The following PCDHGA8 variants were observed in gnomAD, a reference collection of about 807,000 sequenced individuals.
The protein encoded by PCDHGA8 is protocadherin gamma-A8.
A neutral mutation model predicts 59.2 loss-of-function variants in PCDHGA8; 45 were observed. The observed-to-expected ratio is 0.76, with a 90% CI of 0.60 to 0.98. The LOEUF is 0.98. PCDHGA8 is among the 50% of genes least tolerant of loss of function. The pLI is 0.00. For missense variants in PCDHGA8, 1,257 were observed against 1,196.2 expected (o/e 1.05, Z -0.75); for synonymous variants, 531 against 519.0 (o/e 1.02, Z -0.32).
At chr5:141,507,380 C>G (rs984406173) in intron 3 of PCDHGA8, 1 of 151,954 alleles carries the variant, frequency 6.6e-6, no homozygotes, top group African/African-American at 2.4e-5. Flanking sequence ...CTTTTATTTA[C>G]TAAATCTGGC....
intron 1 of PCDHGA8, chr5:141,430,857 A>T: frequency 6.3e-7 from 1 of 1,591,434 alleles, no homozygotes; most frequent in Non-Finnish European, 8.5e-7. Flanking sequence ...CAGATACGCT[A>T]TTCAGTTCCG....
chr5:141,403,685 C>A, intron 1 of PCDHGA8: 1 of 1,613,822 alleles, frequency 6.2e-7, no homozygotes, highest in Non-Finnish European at 8.5e-7. Flanking sequence ...TTTTGCTCAA[C>A]GGATTTACCG....
At chr5:141,470,723 G>T (rs1326927605) in intron 1 of PCDHGA8, among the ~76,000 whole-genome samples, 1 of 151,852 alleles carries the variant, frequency 6.6e-6, no homozygotes, top group East Asian at 1.9e-4. Flanking sequence ...TTTGAGTCAG[G>T]GTCTTGCTCT....
At chr5:141,455,607 G>A (rs2098827849) in intron 1 of PCDHGA8, among the ~76,000 whole-genome samples, 1 of 152,248 alleles carries the variant, frequency 6.6e-6, no homozygotes, top group East Asian at 1.9e-4. Context: ...GGGCGCCATG[G>A]ATGTTCTAAA....
At chr5:141,409,405 C>T in intron 1 of PCDHGA8, 1 of 1,614,050 alleles carries the variant, frequency 6.2e-7, no homozygotes, top group Non-Finnish European at 8.5e-7. Context: ...CCAATAACTA[C>T]TACAAACTGG....
chr5:141,413,900 AC>A, intron 1 of PCDHGA8: 1 of 1,613,126 alleles, frequency 6.2e-7, no homozygotes. Flanking sequence ...GCAAATGACA[AC>A]GCGCCGGTCT....
intron 1 of PCDHGA8, chr5:141,430,820 G>C (rs1194897001): frequency 6.5e-7 from 1 of 1,541,598 alleles, no homozygotes; most frequent in East Asian, 2.3e-5. Context: ...AATCCTCCTG[G>C]GGACTCTGTG....
intron 1 of PCDHGA8, among the ~76,000 whole-genome samples, chr5:141,454,170 G>A (rs2098782662): frequency 6.6e-6 from 1 of 152,162 alleles, no homozygotes; most frequent in Admixed American, 6.5e-5. Context: ...TCTCTAGAAG[G>A]GCAGCTAAAG....
At chr5:141,505,044 C>G (rs1446394128) in intron 2 of PCDHGA8, among the ~76,000 whole-genome samples, 3 of 152,156 alleles carry the variant, frequency 2.0e-5, no homozygotes, top group African/African-American at 7.2e-5. Context: ...TGCCTGTCAT[C>G]CCAGCTACTT....
In PCDHGA8 at chr5:141,485,576, C is replaced by T. The variant is rs1347032247; in HGVS notation, c.2425-9231C>T. ...GAATGATCACGCCCCCCGTTTTCCG[C>T]GGCAGCAGCTGGACTTGGAAATTGG... On this transcript the variant is annotated intron_variant, in intron 1 of 3. Transcript: ENST00000398604. The surrounding 1 kb of genome is among the most constrained non-coding windows in gnomAD (Gnocchi z 5.7). 21 of 1,612,296 alleles carry T rather than the reference C, an allele frequency of 1.3e-5. 1 individual carries two copies. Among genetic ancestry groups the T allele is most frequent in the Non-Finnish European group, 1.8e-5 (21 of 1,178,636 alleles).
rs772637812 is a variant in PCDHGA8 at position 141,408,685 on chromosome 5, TATAAAC to T, written c.2424+13455_2424+13460del. On this transcript the variant is annotated intron_variant, in intron 1 of 3. Transcript: ENST00000398604. ...CGCTTGACCCTGCCACGGATCCTGA[TATAAAC>T]ATAAACTCAATTAAAGATTATAAGA... 8 of 1,613,994 alleles carry T rather than the reference TATAAAC, an allele frequency of 5.0e-6. No individual in the cohort carries two copies. The Admixed American group carries it at 1.0e-4, about 20-fold the overall frequency.
chr5:141,470,147 T>A (rs1394329530), intron 1 of PCDHGA8, among the ~76,000 whole-genome samples: 1 of 152,172 alleles, frequency 6.6e-6, no homozygotes. Context: ...AGATCATAGA[T>A]CATCTTATCA....
chr5:141,501,390 T>TCAC (rs1033806087), intron 2 of PCDHGA8, among the ~76,000 whole-genome samples: 4 of 151,794 alleles, frequency 2.6e-5, no homozygotes, highest in African/African-American at 9.7e-5. Flanking sequence ...CTAGGTCCTG[T>TCAC]CACAGGCCAC....
chr5:141,458,292 T>C (rs2098941901), intron 1 of PCDHGA8, among the ~76,000 whole-genome samples: 1 of 152,146 alleles, frequency 6.6e-6, no homozygotes, highest in Admixed American at 6.5e-5. Flanking sequence ...GTCCTCATGC[T>C]GGTTTAGATA....
At chr5:141,411,982 A>T (rs2154543855) in intron 1 of PCDHGA8, 1 of 152,346 alleles carries the variant, frequency 6.6e-6, no homozygotes, top group East Asian at 1.9e-4. Context: ...AGAGTTCTAT[A>T]CTTGGAAGGC....
intron 1 of PCDHGA8, chr5:141,442,134 AG>A (rs1365375748): frequency 6.1e-6 from 1 of 163,744 alleles, no homozygotes; most frequent in African/African-American, 2.4e-5. Context: ...AGCCTGCAGG[AG>A]ACTCTGCCAG....
chr5:141,401,508 C>G (rs2094162050), intron 1 of PCDHGA8, among the ~76,000 whole-genome samples: 1 of 152,302 alleles, frequency 6.6e-6, no homozygotes, highest in East Asian at 1.9e-4. Flanking sequence ...TTTTCCACCT[C>G]TATATAATTA....
Position 141,477,918 on chromosome 5 carries a change from G to A in PCDHGA8, c.2425-16889G>A. 1 of 1,614,154 alleles carries A rather than the reference G, an allele frequency of 6.2e-7. No individual in the cohort carries two copies. Among genetic ancestry groups the A allele is most frequent in the Admixed American group, 1.7e-5 (1 of 60,026 alleles). ...GTGGTAGGCTGGGACGCGGATGCAG[G>A]GCACAATGCCTGGCTCTCCTACAGT... is the stretch of plus-strand genomic sequence containing the variant. On this transcript the variant is annotated intron_variant, in intron 1 of 3. Coordinates refer to ENST00000398604, the MANE Select transcript of PCDHGA8 (RefSeq NM_032088.2). The surrounding 1 kb of genome is among the most constrained non-coding windows in gnomAD (Gnocchi z 4.9).
At chr5:141,492,242 C>G (rs2099738685) in intron 1 of PCDHGA8, among the ~76,000 whole-genome samples, 1 of 152,190 alleles carries the variant, frequency 6.6e-6, no homozygotes, top group Admixed American at 6.5e-5. Flanking sequence ...GCTGGCCACC[C>G]CCACGGCCCA....
Sources: gnomAD v4.1 joint callset for allele counts (sites outside exome capture counted in the v4.1 genomes callset) on GRCh38, gnomAD v4.1.1 for gene constraint, Gnocchi (gnomAD v3.1) non-coding constraint, MANE v1.5 for transcripts, NCBI Gene and HGNC (gene_info 2026-07-23, HGNC 2026-07-21) for gene names.